Variants in PPP1R9A observed in about 807,000 individuals in gnomAD.
The protein encoded by PPP1R9A is protein phosphatase 1 regulatory subunit 9A.
PPP1R9A carries 59 observed loss-of-function variants against 141.9 expected under a neutral mutation model. The observed-to-expected ratio is 0.42, with a 90% confidence interval of 0.34 to 0.52. The LOEUF (loss-of-function observed/expected upper bound fraction) is 0.52, where lower values mean the gene tolerates loss of function less well. PPP1R9A is among the 20% of genes least tolerant of loss of function. The probability of loss-of-function intolerance (pLI) is 0.10; values close to 1 mark genes in which losing one functional copy is unlikely to be tolerated. For missense variants in PPP1R9A, 1,444 were observed against 1,611.9 expected, an observed-to-expected ratio of 0.90 and a Z score of 1.78; for synonymous variants, 500 against 569.7, an observed-to-expected ratio of 0.88 and a Z score of 1.74.
intron 2 of PPP1R9A, among the ~76,000 whole-genome samples, chr7:95,033,312 C>T (rs1387914013): frequency 6.6e-6 from 1 of 151,818 alleles, no homozygotes; most frequent in African/African-American, 2.4e-5. Flanking sequence ...CCGCTCCTGG[C>T]CTAATTTTTT....
At chr7:94,921,410 G>C (rs962104536) in intron 2 of PPP1R9A, among the ~76,000 whole-genome samples, 1 of 149,258 alleles carries the variant, frequency 6.7e-6, no homozygotes, top group African/African-American at 2.5e-5. Flanking sequence ...GGGCGCCACT[G>C]CACTCCAGCC....
chr7:95,238,017 C>T, intron 8 of PPP1R9A, among the ~76,000 whole-genome samples: 1 of 152,048 alleles, frequency 6.6e-6, no homozygotes, highest in East Asian at 1.9e-4. Context: ...ATTACCTTGA[C>T]TTATTTTGAC....
At chr7:95,166,960 G>C (rs1233895281) in intron 5 of PPP1R9A, among the ~76,000 whole-genome samples, 1 of 152,096 alleles carries the variant, frequency 6.6e-6, no homozygotes, top group African/African-American at 2.4e-5. Context: ...ATAAAATTCA[G>C]TATCCCTTCA....
intron 2 of PPP1R9A, among the ~76,000 whole-genome samples, chr7:95,068,473 G>A (rs201754697): frequency 0.011 from 1,020 of 94,212 alleles, no homozygotes; most frequent in South Asian, 0.014. Context: ...CTTGTCTCAA[G>A]AAAAAAAAAA....
Position 94,910,232 on chromosome 7 carries a change from A to T in PPP1R9A, c.119A>T (p.Asp40Val). 1 of 1,614,138 alleles carries T rather than the reference A, an allele frequency of 6.2e-7. No homozygotes were observed. Among genetic ancestry groups the T allele is most frequent in the Non-Finnish European group, 8.5e-7 (1 of 1,180,016 alleles). Reference sequence around the variant, plus strand: ...AGTACCTTTGACAAACCCAAGTCAGATGGGGAACAAAAAACAAAAGAAGGT... The same window carrying T: ...AGTACCTTTGACAAACCCAAGTCAGTTGGGGAACAAAAAACAAAAGAAGGT... Reference protein sequence around the residue: ...LKSTFDKPKSDGEQKTKEGEG... With the variant: ...LKSTFDKPKSVGEQKTKEGEG... Residue 40 changes from aspartate to valine, a missense_variant, in exon 2 of 20, where the codon GAT becomes GTT. By Grantham distance (152) the Asp-to-Val change is radical. Transcript: ENST00000433360. This position sits in a 1 kb window ranked among gnomAD's most constrained non-coding sequence, Gnocchi z 4.5.
At chr7:95,093,733 C>T (rs932775622) in intron 2 of PPP1R9A, among the ~76,000 whole-genome samples, 7 of 152,004 alleles carry the variant, frequency 4.6e-5, no homozygotes, top group Non-Finnish European at 8.8e-5. Context: ...ATACTTGATT[C>T]CTGACATAAA....
intron 5 of PPP1R9A, among the ~76,000 whole-genome samples, chr7:95,187,496 G>A (rs1216616526): frequency 6.6e-6 from 1 of 151,806 alleles, no homozygotes; most frequent in Non-Finnish European, 1.5e-5. Context: ...ATTTTTTGTT[G>A]TTTGTTTCAA....
chr7:95,149,031 T>C (rs1828165675), intron 4 of PPP1R9A, among the ~76,000 whole-genome samples: 1 of 151,778 alleles, frequency 6.6e-6, no homozygotes, highest in Admixed American at 6.6e-5. Flanking sequence ...CAACAACATA[T>C]AAAAGGAATT....
In PPP1R9A at chr7:95,252,043, A is replaced by G. The variant is rs374263529; in HGVS notation, c.2578A>G (p.Arg860Gly). Residue 860 changes from arginine to glycine, a missense_variant, in exon 12 of 20, where the codon AGA becomes GGA. Physicochemically the swap from Arg to Gly is moderately radical, Grantham distance 125 (BLOSUM62 -2). This residue lies in a region of PPP1R9A where 488 missense variants were observed against 542.0 expected (regional missense o/e 0.90). Transcript: ENST00000433360. ...CAATAATAACAACATCTTTGAGAGA[A>G]GAACATCTCTTGGTGAAGTCTCTAA... Reference protein sequence around the residue: ...VNNNNNIFERRTSLGEVSKGD... With the variant: ...VNNNNNIFERGTSLGEVSKGD... The G allele has an allele frequency of 5.0e-6, 8 of 1,613,496 alleles. No homozygotes were observed. Among genetic ancestry groups the G allele is most frequent in the Non-Finnish European group, 6.8e-6 (8 of 1,179,862 alleles).
chr7:94,909,778 G>T, intron 1 of PPP1R9A, 120 bp from the exon 2 acceptor site: 1 of 160,348 alleles, frequency 6.2e-6, no homozygotes, highest in Non-Finnish European at 1.3e-5. Flanking sequence ...CCATTTCAAT[G>T]AGTAATCTCT....
In PPP1R9A at chr7:95,292,129, C is replaced by G. The variant is rs1324656029; in HGVS notation, c.*1826C>G. 1 of 152,064 alleles carries G rather than the reference C, an allele frequency of 6.6e-6. No homozygotes were observed. Among genetic ancestry groups the G allele is most frequent in the African/African-American group, 2.4e-5 (1 of 41,406 alleles). 9.4% of individuals were successfully genotyped at this position (152,064 alleles called of 1,614,324 possible). On this transcript the variant is annotated 3_prime_UTR_variant, in exon 20 of 20. Transcript: ENST00000433360. The stretch of plus-strand genomic sequence containing the variant: ...TGTGTTTTACAGTTATCAAAGTCAC[C>G]ATTATGTTTTTCTGTCTGTCTTCAT...
chr7:95,024,330 T>C (rs1806481857), intron 2 of PPP1R9A, among the ~76,000 whole-genome samples: 1 of 152,130 alleles, frequency 6.6e-6, no homozygotes, highest in African/African-American at 2.4e-5. Flanking sequence ...TGAATATCCT[T>C]GTTAATTTTC....
chr7:95,233,817 A>G (rs565807760), intron 8 of PPP1R9A, among the ~76,000 whole-genome samples: 1 of 152,336 alleles, frequency 6.6e-6, no homozygotes, highest in Admixed American at 6.5e-5. Context: ...GTATATCAAA[A>G]AGATAACCTA....
chr7:95,288,515 T>G, intron 18 of PPP1R9A, 21 bp from the exon 19 acceptor site: 7 of 1,612,092 alleles, frequency 4.3e-6, no homozygotes, highest in Non-Finnish European at 5.1e-6. Flanking sequence ...TTAACAACAC[T>G]ACGTAACATT....
chr7:95,221,778 A>G (rs1204012392), intron 7 of PPP1R9A, among the ~76,000 whole-genome samples: 1 of 152,002 alleles, frequency 6.6e-6, no homozygotes, highest in Non-Finnish European at 1.5e-5. Flanking sequence ...CCTTGGAAGG[A>G]TCTTTTTCAT....
At chr7:94,915,259 T>C (rs776733568) in intron 2 of PPP1R9A, among the ~76,000 whole-genome samples, 10 of 152,286 alleles carry the variant, frequency 6.6e-5, no homozygotes, top group Admixed American at 1.3e-4. Context: ...CTCTCCCTTT[T>C]TGGGGGCTCC....
chr7:95,171,241 T>C (rs570443708), intron 5 of PPP1R9A, among the ~76,000 whole-genome samples: 2 of 151,678 alleles, frequency 1.3e-5, no homozygotes, highest in African/African-American at 4.8e-5. Flanking sequence ...TTATCAGGAA[T>C]TTCTTAAATG....
intron 5 of PPP1R9A, among the ~76,000 whole-genome samples, chr7:95,165,048 T>A (rs1227508647): frequency 6.6e-6 from 1 of 152,172 alleles, no homozygotes; most frequent in Non-Finnish European, 1.5e-5. Flanking sequence ...CAAGTCTCAG[T>A]TCAAATATCA....
At chr7:95,153,547 A>G (rs916050528) in intron 4 of PPP1R9A, among the ~76,000 whole-genome samples, 6 of 152,216 alleles carry the variant, frequency 3.9e-5, no homozygotes, top group African/African-American at 1.4e-4. Flanking sequence ...TTATGGAGAA[A>G]ACACAGCTAT....
Sources: gnomAD v4.1 joint callset for allele counts (sites outside exome capture counted in the v4.1 genomes callset) on GRCh38, gnomAD v4.1.1 for gene constraint, gnomAD v4.1.1 regional missense constraint, Gnocchi (gnomAD v3.1) non-coding constraint, MANE v1.5 for transcripts, NCBI Gene and HGNC (gene_info 2026-07-23, HGNC 2026-07-21) for gene names.